The following TBX15 variants were observed in gnomAD, a reference collection of about 807,000 sequenced individuals.
TBX15 encodes the protein T-box transcription factor 15, also known as T-box transcription factor TBX15.
A neutral mutation model predicts 53.9 loss-of-function variants in TBX15; 18 were observed. That is an observed-to-expected ratio of 0.33 (90% CI 0.23 to 0.49). The LOEUF (loss-of-function observed/expected upper bound fraction) is 0.49, where lower values mean the gene tolerates loss of function less well. Among genes scored for constraint, TBX15 ranks in the 20% least tolerant of loss-of-function variants. The pLI, the probability that TBX15 is intolerant of heterozygous loss-of-function variation, is 0.98. For synonymous variants in TBX15, 295 were observed against 278.0 expected, an observed-to-expected ratio of 1.06 and a Z score of -0.61; for missense variants, 692 against 749.5, an observed-to-expected ratio of 0.92 and a Z score of 0.90.
chr1:118,897,881 A>C (rs1357048189), intron 7 of TBX15, among the ~76,000 whole-genome samples: 1 of 152,182 alleles, frequency 6.6e-6, no homozygotes, highest in African/African-American at 2.4e-5. Flanking sequence ...GAATAGTCTA[A>C]TCATGTTTTA....
rs556244776 is a variant in TBX15 at position 118,916,280 on chromosome 1, A to C, written c.862-2101T>G. On this transcript the variant is annotated intron_variant, in intron 5 of 7. Coordinates refer to ENST00000369429, the MANE Select transcript of TBX15 (RefSeq NM_001330677.2). ...TGAAAGCTTAGACGAAGTAGGAATTACTCCATGTTGAAGGGCTCTGGGGTT... is the reference window on the plus strand; with the variant it reads ...TGAAAGCTTAGACGAAGTAGGAATTCCTCCATGTTGAAGGGCTCTGGGGTT... Among the ~76,000 whole-genome samples the C allele has an allele frequency of 2.0e-5, 3 of 152,268 alleles. No individual in the cohort carries two copies. In the South Asian group the frequency reaches 6.2e-4, roughly 32 times the overall value.
intron 2 of TBX15, among the ~76,000 whole-genome samples, chr1:118,927,895 T>C (rs1655651031): frequency 1.3e-5 from 2 of 152,370 alleles, no homozygotes; most frequent in South Asian, 4.1e-4. Flanking sequence ...GAATGTGCTC[T>C]AGGCTACTTG....
At chr1:118,901,436 G>C (rs753793626) in intron 6 of TBX15, 1 of 456,186 alleles carries the variant, frequency 2.2e-6, no homozygotes, top group African/African-American at 2.0e-5. Context: ...TGCAGATTAA[G>C]TTTGGAACAC....
At chr1:118,986,793 G>A (rs1297720585) in intron 1 of TBX15, among the ~76,000 whole-genome samples, 1 of 152,170 alleles carries the variant, frequency 6.6e-6, no homozygotes, top group African/African-American at 2.4e-5. Context: ...AGATTCTTCC[G>A]ACAACAGCTG....
At chr1:118,952,174 G>A (rs1344459935) in intron 1 of TBX15, among the ~76,000 whole-genome samples, 1 of 152,032 alleles carries the variant, frequency 6.6e-6, no homozygotes, top group Non-Finnish European at 1.5e-5. Flanking sequence ...TCTTCCATGA[G>A]GTTTTCTTAA....
chr1:118,915,592 C>T (rs1014098), intron 5 of TBX15, among the ~76,000 whole-genome samples: 23,554 of 152,172 alleles, frequency 0.15, 2,102 homozygotes, highest in Non-Finnish European at 0.18. Flanking sequence ...TTTCTAAAGT[C>T]GAGTGTCTGC....
chr1:118,919,881 AT>A (rs1553222148), intron 5 of TBX15, among the ~76,000 whole-genome samples: 2 of 152,224 alleles, frequency 1.3e-5, no homozygotes, highest in Non-Finnish European at 2.9e-5. Flanking sequence ...AATAAGTGAC[AT>A]TTTTATATCA....
chr1:118,888,072 C>T lies in TBX15; in HGVS notation c.1025-2556G>A, dbSNP rs113528212. Among the ~76,000 whole-genome samples the T allele has an allele frequency of 3.3e-5, 5 of 152,294 alleles. No individual in the cohort carries two copies. In the South Asian group the frequency reaches 1.0e-3, roughly 32 times the overall value. Reference sequence around the variant, plus strand: ...CCTTTCTAATACTCAACTTAAAATCCTTTAAGAAAAGTAAAATGATTTTTA... The same window carrying T: ...CCTTTCTAATACTCAACTTAAAATCTTTTAAGAAAAGTAAAATGATTTTTA... On this transcript the variant is annotated intron_variant, in intron 7 of 7. Coordinates refer to ENST00000369429, the MANE Select transcript of TBX15 (RefSeq NM_001330677.2).
At chr1:118,963,226 G>A (rs1656935294) in intron 1 of TBX15, among the ~76,000 whole-genome samples, 1 of 152,178 alleles carries the variant, frequency 6.6e-6, no homozygotes, top group South Asian at 2.1e-4. Flanking sequence ...GAAAACGTGT[G>A]TTTTTATGAG....
At chr1:118,968,151 A>C (rs1657116363) in intron 1 of TBX15, among the ~76,000 whole-genome samples, 2 of 152,204 alleles carry the variant, frequency 1.3e-5, no homozygotes, top group African/African-American at 4.8e-5. Context: ...ATTCCTAAGA[A>C]AAAGAGTGGT....
chr1:118,884,649 A>T lies in TBX15; in HGVS notation c.*83T>A. On this transcript the variant is annotated 3_prime_UTR_variant, in exon 8 of 8. Coordinates refer to ENST00000369429, the MANE Select transcript of TBX15 (RefSeq NM_001330677.2). ...AACACGGTTCCTGTTTTTCAAAGAC[A>T]CTGGACTCCCAAAGAGGAGGATCTG... The T allele has an allele frequency of 1.2e-5, 19 of 1,526,296 alleles. No individual in the cohort carries two copies. Among genetic ancestry groups the T allele is most frequent in the Non-Finnish European group, 1.7e-5 (19 of 1,113,932 alleles). 94.5% of individuals were successfully genotyped at this position (1,526,296 alleles called of 1,614,324 possible).
chr1:118,915,143 C>T (rs749379903), intron 5 of TBX15, among the ~76,000 whole-genome samples: 5 of 152,146 alleles, frequency 3.3e-5, no homozygotes, highest in African/African-American at 4.8e-5. Context: ...GTTAATGACT[C>T]ACTACATGCA....
chr1:118,895,806 A>G (rs1654403442), intron 7 of TBX15, among the ~76,000 whole-genome samples: 1 of 152,220 alleles, frequency 6.6e-6, no homozygotes. Flanking sequence ...AACAATAAAA[A>G]CCATCAATAG....
intron 7 of TBX15, among the ~76,000 whole-genome samples, chr1:118,896,654 C>T (rs1195637075): frequency 6.6e-6 from 1 of 152,150 alleles, no homozygotes; most frequent in African/African-American, 2.4e-5. Context: ...AAGGGAATTG[C>T]TGTAAAAAAT....
intron 1 of TBX15, among the ~76,000 whole-genome samples, chr1:118,945,937 G>A (rs1323418871): frequency 2.6e-5 from 4 of 152,158 alleles, no homozygotes; most frequent in African/African-American, 9.7e-5. Context: ...ATGAGCTGTT[G>A]TATATATTAA....
intron 5 of TBX15, among the ~76,000 whole-genome samples, chr1:118,918,334 T>A (rs1258861060): frequency 6.6e-6 from 1 of 152,092 alleles, no homozygotes; most frequent in Non-Finnish European, 1.5e-5. Context: ...ACATGCTCAT[T>A]GAATATTTAT....
intron 1 of TBX15, among the ~76,000 whole-genome samples, chr1:118,965,727 A>C (rs73009537): frequency 0.19 from 29,438 of 152,182 alleles, 3,402 homozygotes; most frequent in East Asian, 0.5. Context: ...GAATTCTATG[A>C]GACTTTTAAA....
intron 1 of TBX15, among the ~76,000 whole-genome samples, chr1:118,959,923 A>G (rs1571206687): frequency 6.6e-6 from 1 of 152,298 alleles, no homozygotes; most frequent in East Asian, 1.9e-4. Flanking sequence ...GCGGCTTCCC[A>G]GAGAAAAGCC....
chr1:118,936,355 A>G (rs898717335), intron 1 of TBX15, among the ~76,000 whole-genome samples: 9 of 152,182 alleles, frequency 5.9e-5, no homozygotes, highest in African/African-American at 2.2e-4. Context: ...TTTTAAAAGC[A>G]TATTTTACAG....
Sources: allele counts gnomAD v4.1 joint callset (sites outside exome capture counted in the v4.1 genomes callset), GRCh38; gene constraint gnomAD v4.1.1; transcripts MANE v1.5; gene names NCBI Gene and HGNC (gene_info 2026-07-23, HGNC 2026-07-21).